WWOX: variants seen among roughly 807,000 people sequenced by gnomAD.
WWOX encodes the protein WW domain-containing oxidoreductase.
A neutral mutation model predicts 46.2 loss-of-function variants in WWOX; 69 were observed. That is an observed-to-expected ratio of 1.49 (90% CI 1.23 to 1.82). WWOX has a LOEUF of 1.82. Among genes scored for constraint, WWOX ranks in the 40% most tolerant of loss-of-function variants. The pLI is 0.00. For missense variants in WWOX, 919 were observed against 542.6 expected (o/e 1.69, Z -6.89); for synonymous variants, 359 against 202.6 (o/e 1.77, Z -6.56).
At chr16:78,925,599 C>T (rs759023241) in intron 8 of WWOX, among the ~76,000 whole-genome samples, 4 of 152,194 alleles carry the variant, frequency 2.6e-5, no homozygotes, top group African/African-American at 9.6e-5. Context: ...GGAGGAGATG[C>T]ACATTTTAAA....
intron 8 of WWOX, among the ~76,000 whole-genome samples, chr16:78,491,273 G>C (rs1253236302): frequency 6.6e-6 from 1 of 152,068 alleles, no homozygotes; most frequent in African/African-American, 2.4e-5. Context: ...CTTTTGTATC[G>C]TGACTGTCTG....
intron 8 of WWOX, among the ~76,000 whole-genome samples, chr16:79,131,680 G>A (rs1047390765): frequency 6.6e-6 from 1 of 151,880 alleles, no homozygotes; most frequent in Admixed American, 6.6e-5. Context: ...ATTAACACAG[G>A]GTGTCTTAAC....
At chr16:78,999,977 A>G (rs1171462719) in intron 8 of WWOX, among the ~76,000 whole-genome samples, 1 of 152,184 alleles carries the variant, frequency 6.6e-6, no homozygotes, top group Non-Finnish European at 1.5e-5. Flanking sequence ...CTTAGGGGAA[A>G]TGAAAAATAA....
intron 4 of WWOX, among the ~76,000 whole-genome samples, chr16:78,140,639 C>G (rs1405229182): frequency 6.6e-6 from 1 of 152,118 alleles, no homozygotes; most frequent in Non-Finnish European, 1.5e-5. Context: ...ACATCATCTT[C>G]CCTCTATTAC....
At chr16:78,571,712 T>C (rs1362707625) in intron 8 of WWOX, among the ~76,000 whole-genome samples, 1 of 151,898 alleles carries the variant, frequency 6.6e-6, no homozygotes, top group Non-Finnish European at 1.5e-5. Flanking sequence ...CTACTAAAAA[T>C]AGAAAATTAG....
chr16:78,199,502 G>A lies in WWOX; in HGVS notation c.516+35213G>A, dbSNP rs1404852174. Among the ~76,000 whole-genome samples the A allele has an allele frequency of 3.9e-5, 6 of 152,206 alleles. No homozygotes were observed. The East Asian group carries it at 9.7e-4, about 24-fold the overall frequency. ...TTGTATTTCCTGCTCTGCGGATCCGGCATCATGACCTTTGTACTACCCAGG... is the reference window on the plus strand; with the variant it reads ...TTGTATTTCCTGCTCTGCGGATCCGACATCATGACCTTTGTACTACCCAGG... On this transcript the variant is annotated intron_variant, in intron 5 of 8. Transcript: ENST00000566780.
chr16:78,146,498 A>T (rs939777115), intron 4 of WWOX, among the ~76,000 whole-genome samples: 3 of 152,204 alleles, frequency 2.0e-5, no homozygotes, highest in Non-Finnish European at 2.9e-5. Flanking sequence ...TCCTCCGTGC[A>T]TCCCTCACAT....
At chr16:78,596,666 C>T (rs1012131547) in intron 8 of WWOX, among the ~76,000 whole-genome samples, 1 of 152,128 alleles carries the variant, frequency 6.6e-6, no homozygotes, top group Non-Finnish European at 1.5e-5. Context: ...CGGACTGTGT[C>T]ATTGGAAGCC....
intron 8 of WWOX, among the ~76,000 whole-genome samples, chr16:78,672,744 C>A (rs552157206): frequency 2.2e-4 from 33 of 152,318 alleles, no homozygotes; most frequent in Admixed American, 1.8e-3. Flanking sequence ...TGCAGCCCCC[C>A]ATTTTAGGGT....
intron 8 of WWOX, among the ~76,000 whole-genome samples, chr16:78,770,604 A>G (rs1012035067): frequency 6.6e-6 from 1 of 152,150 alleles, no homozygotes; most frequent in Non-Finnish European, 1.5e-5. Context: ...GGTGCCTACC[A>G]AGGAAGTCTC....
intron 8 of WWOX, among the ~76,000 whole-genome samples, chr16:78,927,299 T>A (rs1287869801): frequency 6.6e-6 from 1 of 152,232 alleles, no homozygotes; most frequent in East Asian, 1.9e-4. Context: ...CAGCAGAGCC[T>A]GCTCTTGGTC....
chr16:78,757,293 G>A (rs1330979416), intron 8 of WWOX, among the ~76,000 whole-genome samples: 3 of 151,836 alleles, frequency 2.0e-5, no homozygotes, highest in Non-Finnish European at 4.4e-5. Context: ...CATTAGGTAA[G>A]AAAACCAGTT....
chr16:78,847,383 C>A (rs1597714446), intron 8 of WWOX, among the ~76,000 whole-genome samples: 2 of 152,052 alleles, frequency 1.3e-5, no homozygotes, highest in Non-Finnish European at 2.9e-5. Flanking sequence ...ATTATTTGTT[C>A]ATATATTTAT....
intron 8 of WWOX, among the ~76,000 whole-genome samples, chr16:78,495,101 T>C (rs2084879909): frequency 6.7e-6 from 1 of 149,760 alleles, no homozygotes; most frequent in Non-Finnish European, 1.5e-5. Flanking sequence ...ATCTGTGTGC[T>C]TATAAGAAAA....
At chr16:79,037,243 C>T (rs547435648) in intron 8 of WWOX, among the ~76,000 whole-genome samples, 19 of 152,314 alleles carry the variant, frequency 1.2e-4, no homozygotes, top group South Asian at 8.3e-4. Flanking sequence ...CTCTCTCTCT[C>T]GCTCCTGCTC....
intron 8 of WWOX, among the ~76,000 whole-genome samples, chr16:79,054,106 A>G (rs1299088521): frequency 1.3e-5 from 2 of 152,150 alleles, no homozygotes; most frequent in Non-Finnish European, 2.9e-5. Flanking sequence ...CACTGGCTGT[A>G]TAAGATCTTT....
At chr16:78,258,918 G>A (rs973538191) in intron 5 of WWOX, among the ~76,000 whole-genome samples, 5 of 152,046 alleles carry the variant, frequency 3.3e-5, no homozygotes, top group African/African-American at 1.2e-4. Flanking sequence ...TCACTTCCCT[G>A]CCTGCTTTAA....
At chr16:78,620,632 G>A (rs1274958154) in intron 8 of WWOX, among the ~76,000 whole-genome samples, 1 of 152,178 alleles carries the variant, frequency 6.6e-6, no homozygotes, top group Admixed American at 6.5e-5. Context: ...GTATTTGTCA[G>A]TGTACTTCCT....
intron 8 of WWOX, among the ~76,000 whole-genome samples, chr16:78,932,691 T>C (rs1430392433): frequency 6.6e-6 from 1 of 152,140 alleles, no homozygotes; most frequent in Non-Finnish European, 1.5e-5. Context: ...CTGGTGGAGT[T>C]AAAACAGACT....
Sources: gnomAD v4.1 joint callset for allele counts (sites outside exome capture counted in the v4.1 genomes callset) on GRCh38, gnomAD v4.1.1 for gene constraint, MANE v1.5 for transcripts, NCBI Gene and HGNC (gene_info 2026-07-23, HGNC 2026-07-21) for gene names.